The following ARHGDIB variants were observed in gnomAD, a reference collection of about 807,000 sequenced individuals.
The protein encoded by ARHGDIB is rho GDP-dissociation inhibitor 2.
In ARHGDIB, 20 loss-of-function variants were observed where a neutral mutation model predicts 22.6. That is an observed-to-expected ratio of 0.88 (90% CI 0.62 to 1.28). The LOEUF (loss-of-function observed/expected upper bound fraction) is 1.28. Among genes scored for constraint, ARHGDIB ranks in the 50% most tolerant of loss-of-function variants. The pLI is 0.00. For missense variants in ARHGDIB, 254 were observed against 245.4 expected (o/e 1.04, Z -0.23); for synonymous variants, 114 against 96.1 (o/e 1.19, Z -1.09).
At chr12:14,952,843 G>A (rs867374233) in intron 1 of ARHGDIB, among the ~76,000 whole-genome samples, 25 of 152,304 alleles carry the variant, frequency 1.6e-4, no homozygotes, top group Non-Finnish European at 2.2e-4. Flanking sequence ...CTAACAAGTC[G>A]CCTGATTGAA....
At chr12:14,959,684 T>G (rs543862177) in intron 1 of ARHGDIB, among the ~76,000 whole-genome samples, 12 of 152,276 alleles carry the variant, frequency 7.9e-5, no homozygotes, top group African/African-American at 2.9e-4. Flanking sequence ...GAGTGTCTAC[T>G]GAAAACAGAA....
At position 14,958,044 on chromosome 12, in the gene ARHGDIB, G is replaced by A. The variant is rs147818770; in HGVS notation, c.-13+3493C>T. On this transcript the variant is annotated intron_variant, in intron 1 of 5. Coordinates refer to ENST00000228945, the MANE Select transcript of ARHGDIB (RefSeq NM_001175.7). ...GGATATGTCTGACTTCCCCCAAATC[G>A]GGCTGTGGGTCTAGTGCAGGTCTGG... Among the ~76,000 whole-genome samples, 12 of 152,242 alleles carry A rather than the reference G, an allele frequency of 7.9e-5. No individual in the cohort carries two copies. In the East Asian group the frequency reaches 2.3e-3, roughly 29 times the overall value.
intron 1 of ARHGDIB, among the ~76,000 whole-genome samples, chr12:14,953,857 TTCTC>T (rs1209663434): frequency 2.7e-5 from 4 of 150,266 alleles, no homozygotes; most frequent in Admixed American, 2.0e-4. Flanking sequence ...TTCTCTCTCT[TTCTC>T]TCTTTCTCCC....
chr12:14,948,505 A>G (rs1216453091), intron 3 of ARHGDIB, among the ~76,000 whole-genome samples: 1 of 152,012 alleles, frequency 6.6e-6, no homozygotes, highest in African/African-American at 2.4e-5. Flanking sequence ...TTGTATTTTC[A>G]TTTGCAATTT....
In ARHGDIB at chr12:14,942,622, C is replaced by T. The variant is rs755743098; in HGVS notation, c.506G>A (p.Arg169Gln). 3.0e-5 allele frequency: 48 copies of T among 1,614,036 alleles called. No individual in the cohort carries two copies. The highest frequency in any genetic ancestry group is 2.7e-4 in the East Asian group (12 of 44,886). Residue 169 changes from arginine to glutamine, a missense_variant, in exon 6 of 6, where the codon CGA (arginine) becomes CAA (glutamine). Physicochemically the swap from Arg to Gln is conservative, Grantham distance 43 (BLOSUM62 1). Transcript: ENST00000228945. ...GAAGGACTTGTTGTGGTACGTGCCT[C>T]GCGCCAGCATGCCCTTGGGAGCCTC... ...VEEAPKGMLA[R>Q]GTYHNKSFFT...
intron 5 of ARHGDIB, among the ~76,000 whole-genome samples, chr12:14,943,853 C>G (rs1027523557): frequency 2.0e-5 from 3 of 152,212 alleles, no homozygotes; most frequent in Non-Finnish European, 4.4e-5. Flanking sequence ...AGACATGTCA[C>G]TGTCCTTTTG....
At chr12:14,948,034 T>G (rs1003718516) in intron 3 of ARHGDIB, 85 bp from the exon 4 acceptor site, 1 of 1,146,136 alleles carries the variant, frequency 8.7e-7, no homozygotes, top group Non-Finnish European at 1.3e-6. Flanking sequence ...GAAAAATTTG[T>G]TGGGCCCACG....
chr12:14,957,950 C>T (rs1864335676), intron 1 of ARHGDIB, among the ~76,000 whole-genome samples: 1 of 152,114 alleles, frequency 6.6e-6, no homozygotes, highest in Non-Finnish European at 1.5e-5. Context: ...GGATTTCTAT[C>T]AGAGAAGTTC....
intron 4 of ARHGDIB, among the ~76,000 whole-genome samples, chr12:14,945,977 T>G (rs1864004821): frequency 6.6e-6 from 1 of 152,222 alleles, no homozygotes; most frequent in Non-Finnish European, 1.5e-5. Flanking sequence ...AGCTTATCCC[T>G]TTCACCTAGT....
intron 2 of ARHGDIB, 78 bp from the exon 3 acceptor site, chr12:14,949,963 G>A: frequency 8.0e-7 from 1 of 1,250,220 alleles, no homozygotes; most frequent in African/African-American, 1.5e-5. Context: ...GTGGGAGACA[G>A]AGAGTATGAA....
At chr12:14,954,262 T>G (rs115978588) in intron 1 of ARHGDIB, among the ~76,000 whole-genome samples, 2,369 of 152,246 alleles carry the variant, frequency 0.016, 53 homozygotes, top group African/African-American at 0.052. Context: ...TACAGGTGCC[T>G]GGGCAGAAGC....
At chr12:14,945,849 GA>G (rs1565459469) in intron 4 of ARHGDIB, among the ~76,000 whole-genome samples, 1 of 151,954 alleles carries the variant, frequency 6.6e-6, no homozygotes, top group Admixed American at 6.6e-5. Context: ...AAAGCTGTCA[GA>G]AAAAAAATTA....
chr12:14,959,711 A>C (rs1479791146), intron 1 of ARHGDIB, among the ~76,000 whole-genome samples: 2 of 152,156 alleles, frequency 1.3e-5, no homozygotes, highest in Non-Finnish European at 2.9e-5. Flanking sequence ...TGTTGCTCAG[A>C]GCTAACTTCC....
chr12:14,959,074 G>A (rs1864357623), intron 1 of ARHGDIB, among the ~76,000 whole-genome samples: 2 of 152,316 alleles, frequency 1.3e-5, no homozygotes, highest in African/African-American at 2.4e-5. Context: ...AGTGAGCTGC[G>A]TTCACGCCCC....
intron 4 of ARHGDIB, among the ~76,000 whole-genome samples, chr12:14,947,042 C>G (rs925006375): frequency 6.6e-6 from 1 of 151,450 alleles, no homozygotes; most frequent in Admixed American, 6.6e-5. Context: ...TATCCTGTAC[C>G]TTGGGGAAAA....
At chr12:14,957,845 G>T (rs1864333352) in intron 1 of ARHGDIB, among the ~76,000 whole-genome samples, 1 of 144,192 alleles carries the variant, frequency 6.9e-6, no homozygotes, top group African/African-American at 2.6e-5. Flanking sequence ...AGGAAGAGGG[G>T]AAAGAGGGAG....
At chr12:14,956,052 G>A (rs1357896550) in intron 1 of ARHGDIB, 3 of 152,116 alleles carry the variant, frequency 2.0e-5, no homozygotes, top group Admixed American at 1.3e-4. Context: ...GACATACCAC[G>A]TGGTAGGCAG....
chr12:14,942,864 T>G, intron 5 of ARHGDIB, 143 bp from the exon 6 acceptor site: 1 of 707,704 alleles, frequency 1.4e-6, no homozygotes, highest in Non-Finnish European at 2.3e-6. Context: ...TAGATTTACC[T>G]GAGGCATCTT....
At chr12:14,948,046 G>A in intron 3 of ARHGDIB, 97 bp from the exon 4 acceptor site, 5 of 893,298 alleles carry the variant, frequency 5.6e-6, no homozygotes, top group Non-Finnish European at 7.4e-6. Context: ...GGGCCCACGA[G>A]GGCAACATGG....
Sources: gnomAD v4.1 joint callset for allele counts (sites outside exome capture counted in the v4.1 genomes callset) on GRCh38, gnomAD v4.1.1 for gene constraint, MANE v1.5 for transcripts, NCBI Gene and HGNC (gene_info 2026-07-23, HGNC 2026-07-21) for gene names.